Variants in EIF2AK1 observed in about 807,000 individuals in gnomAD.
EIF2AK1 encodes the protein eukaryotic translation initiation factor 2 alpha kinase 1, also known as eukaryotic translation initiation factor 2-alpha kinase 1.
EIF2AK1 carries 54 observed loss-of-function variants against 77.9 expected under a neutral mutation model. The observed-to-expected ratio is 0.69, with a 90% confidence interval of 0.56 to 0.87. The LOEUF is 0.87. Among genes scored for constraint, EIF2AK1 ranks in the 40% least tolerant of loss-of-function variants. EIF2AK1 has a pLI of 0.00. For missense variants in EIF2AK1, 810 were observed against 768.6 expected, an observed-to-expected ratio of 1.05 and a Z score of -0.64; for synonymous variants, 314 against 290.5, an observed-to-expected ratio of 1.08 and a Z score of -0.82.
Position 6,032,769 on chromosome 7 carries a change from G to C in EIF2AK1, c.1333-3737C>G, listed in dbSNP as rs748181404. 15 of 1,301,510 alleles carry C rather than the reference G, an allele frequency of 1.2e-5. No individual in the cohort carries two copies. The African/African-American group carries it at 1.8e-4, about 15-fold the overall frequency. The allele number at this position is 1,301,510 out of a possible 1,614,324, so 80.6% of individuals were successfully genotyped here. A position where few individuals can be genotyped will look rare whatever the true frequency, so the allele number is the denominator to read the frequency against. On this transcript the variant is annotated intron_variant, in intron 11 of 14. Coordinates refer to ENST00000199389, the MANE Select transcript of EIF2AK1 (RefSeq NM_014413.4). This position sits in a 1 kb window ranked among gnomAD's most constrained non-coding sequence, Gnocchi z 4.3. Reference sequence around the variant, plus strand: ...AAATAAATGTATTGCCTTTGAAACGGCAAGCTAACACAAACAGTATTTTTA... The same window carrying C: ...AAATAAATGTATTGCCTTTGAAACGCCAAGCTAACACAAACAGTATTTTTA...
rs1157705856 is a variant in EIF2AK1, at chr7:6,023,102, C to T, written c.*1571G>A. On this transcript the variant is annotated 3_prime_UTR_variant, in exon 15 of 15. Coordinates refer to ENST00000199389, the MANE Select transcript of EIF2AK1 (RefSeq NM_014413.4). ...AATACCAGGAATGACTCTTTGGTTA[C>T]TTTTTTAACATAGTTTGCACTTAAA... 1.6e-6 allele frequency: 1 copy of T among 610,566 alleles called. No homozygotes were observed. The highest frequency in any genetic ancestry group is 2.7e-6 in the Non-Finnish European group (1 of 372,410). 37.8% of individuals were successfully genotyped at this position (610,566 alleles called of 1,614,324 possible). A position where few individuals can be genotyped will look rare whatever the true frequency, so the allele number is the denominator to read the frequency against.
At chr7:6,040,822 G>A (rs948784860) in intron 9 of EIF2AK1, 70 bp downstream of exon 9, 14 of 1,283,348 alleles carry the variant, frequency 1.1e-5, no homozygotes, top group Middle Eastern at 2.5e-4. Flanking sequence ...GAGAGAGGGC[G>A]AGAGAAGGCC....
At chr7:6,048,020 C>G (rs1374803464) in intron 4 of EIF2AK1, 2 of 152,328 alleles carry the variant, frequency 1.3e-5, no homozygotes, top group East Asian at 1.9e-4. Context: ...CCACCATAAG[C>G]AGCTTCTTAA....
chr7:6,023,955 G>A lies in EIF2AK1; in HGVS notation c.*718C>T. 7.1e-7 allele frequency: 1 copy of A among 1,409,474 alleles called. No individual in the cohort carries two copies. Among genetic ancestry groups the A allele is most frequent in the African/African-American group, 1.4e-5 (1 of 70,300 alleles). The allele number at this position is 1,409,474 out of a possible 1,614,324, so 87.3% of individuals were successfully genotyped here. A position where few individuals can be genotyped will look rare whatever the true frequency, so the allele number is the denominator to read the frequency against. On this transcript the variant is annotated 3_prime_UTR_variant, in exon 15 of 15. Transcript: ENST00000199389. ...AATTCATCAGATCGCTGCCTCTGAG[G>A]GATGTACAGATTGGCTGGGGAGCTG...
intron 2 of EIF2AK1, among the ~76,000 whole-genome samples, chr7:6,051,783 T>TA (rs756020377): frequency 4.7e-4 from 70 of 150,150 alleles, no homozygotes; most frequent in African/African-American, 1.2e-3. Flanking sequence ...CATTTGTTGC[T>TA]AAAAAAAAAG....
chr7:6,038,659 G>A lies in EIF2AK1; in HGVS notation c.1132C>T (p.Leu378=), dbSNP rs773126175. 87 of 1,611,824 alleles carry A rather than the reference G, an allele frequency of 5.4e-5. No homozygotes were observed. The highest frequency in any genetic ancestry group is 5.2e-5 in the Non-Finnish European group (61 of 1,178,968). The change falls in exon 10 of 15, where the codon CTG becomes TTG. Residue 378 remains leucine (L), a synonymous_variant. Transcript: ENST00000199389. ...AGCTGCATCTGGATGTGCAGCATCA[G>A]GTGGTACTGTGCCTAGGAGAGGACA... ...FLGQTEAQYH[L]MLHIQMQLCE...
chr7:6,040,939 T>C lies in EIF2AK1; in HGVS notation c.1072A>G (p.Thr358Ala). 6.2e-7 allele frequency: 1 copy of C among 1,614,132 alleles called. No individual in the cohort carries two copies. The highest frequency in any genetic ancestry group is 8.5e-7 in the Non-Finnish European group (1 of 1,180,032). The change falls in exon 9 of 15, where the codon ACC (threonine) becomes GCC (alanine). Residue 358 changes from threonine to alanine, a missense_variant. Coordinates refer to ENST00000199389, the MANE Select transcript of EIF2AK1 (RefSeq NM_014413.4). Reference protein sequence around the residue: ...NSHLEESFTSTEESSEENVNF... With the variant: ...NSHLEESFTSAEESSEENVNF... The stretch of plus-strand genomic sequence containing the variant: ...ACATTTTCTTCGGAAGATTCTTCGG[T>C]GGATGTGAAACTCTCCTCTAGGTGG...
At position 6,052,485 on chromosome 7, in the gene EIF2AK1, G is replaced by A. The variant is rs577446346; in HGVS notation, c.277+2061C>T. Reference sequence around the variant, plus strand: ...TACAGATATTTGTACCATTTTTCATGTCCCATCAAGTTTATCAAAATGATA... The same window carrying A: ...TACAGATATTTGTACCATTTTTCATATCCCATCAAGTTTATCAAAATGATA... On this transcript the variant is annotated intron_variant, in intron 2 of 14. Coordinates refer to ENST00000199389, the MANE Select transcript of EIF2AK1 (RefSeq NM_014413.4). Among the ~76,000 whole-genome samples, 21 of 146,098 alleles carry A rather than the reference G, an allele frequency of 1.4e-4. No homozygotes were observed. In the South Asian group the frequency reaches 3.9e-3, roughly 27 times the overall value.
At position 6,024,355 on chromosome 7, in the gene EIF2AK1, A is replaced by G; in HGVS notation, c.*318T>C. 8.3e-7 allele frequency: 1 copy of G among 1,206,880 alleles called. No individual in the cohort carries two copies. Among genetic ancestry groups the G allele is most frequent in the South Asian group, 1.6e-5 (1 of 61,046 alleles). 74.8% of individuals were successfully genotyped at this position (1,206,880 alleles called of 1,614,324 possible). On this transcript the variant is annotated 3_prime_UTR_variant, in exon 15 of 15. Transcript: ENST00000199389. Reference sequence around the variant, plus strand: ...GGCTTGGGCAGTGACGAGGGCAGGGAGCACACATCAATTTCTGCGGTACCT... The same window carrying G: ...GGCTTGGGCAGTGACGAGGGCAGGGGGCACACATCAATTTCTGCGGTACCT...
In EIF2AK1 at chr7:6,024,233, C is replaced by T. The variant is rs1016357791; in HGVS notation, c.*440G>A. On this transcript the variant is annotated 3_prime_UTR_variant, in exon 15 of 15. Transcript: ENST00000199389. ...GGAGCCAAGGAATGAAATGATGAGG[C>T]GTCCTTCAGGTAATGAACTTCAGCT... 3.2e-5 allele frequency: 39 copies of T among 1,220,556 alleles called. No individual in the cohort carries two copies. The highest frequency in any genetic ancestry group is 3.0e-4 in the Middle Eastern group (1 of 3,356). 75.6% of individuals were successfully genotyped at this position (1,220,556 alleles called of 1,614,324 possible). A position where few individuals can be genotyped will look rare whatever the true frequency, so the allele number is the denominator to read the frequency against.
chr7:6,039,621 CAAAAAAAAAA>C (rs767158374), intron 9 of EIF2AK1, among the ~76,000 whole-genome samples: 2 of 49,016 alleles, frequency 4.1e-5, no homozygotes, highest in Admixed American at 2.8e-4. Context: ...ACTCCATCTC[CAAAAAAAAAA>C]AAAAAAAAAA....
rs774519074 is a variant in EIF2AK1 at position 6,049,860 on chromosome 7, T to TA, written c.411+51dup. 280 of 1,506,520 alleles carry TA rather than the reference T, an allele frequency of 1.9e-4. 1 individual carries two copies. Among genetic ancestry groups the TA allele is most frequent in the Non-Finnish European group, 2.3e-4 (257 of 1,108,860 alleles). The allele number at this position is 1,506,520 out of a possible 1,614,324, so 93.3% of individuals were successfully genotyped here. On this transcript the variant is annotated intron_variant, in intron 3 of 14. Transcript: ENST00000199389. ...ACAGTGCTTTAAAATATAATTATCT[T>TA]AAAATTAAAGTATATTTTTGTCATA...
chr7:6,040,034 A>G (rs1205139434), intron 9 of EIF2AK1, among the ~76,000 whole-genome samples: 1 of 152,178 alleles, frequency 6.6e-6, no homozygotes, highest in Admixed American at 6.5e-5. Flanking sequence ...TATAATCTTA[A>G]CAAGACAGAT....
At chr7:6,042,115 C>T (rs1387997088) in intron 8 of EIF2AK1, among the ~76,000 whole-genome samples, 1 of 152,102 alleles carries the variant, frequency 6.6e-6, no homozygotes, top group East Asian at 1.9e-4. Context: ...TACCACTGCA[C>T]TCCAGCCTGG....
chr7:6,036,515 T>C lies in EIF2AK1; in HGVS notation c.1332+909A>G, dbSNP rs1244486130. The C allele has an allele frequency of 3.6e-6, 2 of 561,430 alleles. No individual in the cohort carries two copies. Among genetic ancestry groups the C allele is most frequent in the Non-Finnish European group, 5.6e-6 (2 of 355,960 alleles). 34.8% of individuals were successfully genotyped at this position (561,430 alleles called of 1,614,324 possible). A position where few individuals can be genotyped will look rare whatever the true frequency, so the allele number is the denominator to read the frequency against. ...CCCAAATGTACAAACTACTGATTCTTGAACATGTTCCAAAATACAAAGTGA... is the reference window on the plus strand; with the variant it reads ...CCCAAATGTACAAACTACTGATTCTCGAACATGTTCCAAAATACAAAGTGA... On this transcript the variant is annotated intron_variant, in intron 11 of 14. Transcript: ENST00000199389. This position sits in a 1 kb window ranked among gnomAD's most constrained non-coding sequence, Gnocchi z 4.6.
Position 6,023,431 on chromosome 7 carries a change from A to G in EIF2AK1, c.*1242T>C, listed in dbSNP as rs374243514. The G allele has an allele frequency of 4.3e-6, 7 of 1,614,100 alleles. No individual in the cohort carries two copies. The African/African-American group carries it at 6.7e-5, about 15-fold the overall frequency. ...TGCTGTCAACGCAACCCTTATAGAT[A>G]GCTGGGTAGATATTGCGATTTTTCA... On this transcript the variant is annotated 3_prime_UTR_variant, in exon 15 of 15. Transcript: ENST00000199389.
At chr7:6,053,203 T>A (rs1788656018) in intron 2 of EIF2AK1, among the ~76,000 whole-genome samples, 1 of 152,092 alleles carries the variant, frequency 6.6e-6, no homozygotes. Context: ...TATTTTTAAT[T>A]TTTGTGAGTA....
At chr7:6,050,849 C>A (rs944187506) in intron 2 of EIF2AK1, among the ~76,000 whole-genome samples, 1 of 151,972 alleles carries the variant, frequency 6.6e-6, no homozygotes, top group African/African-American at 2.4e-5. Flanking sequence ...GTGATCCACC[C>A]ACCTTGGCCT....
chr7:6,047,068 GCTTCCAAGGCTA>G lies in EIF2AK1; in HGVS notation c.461_472del (p.Val154_Glu157del). ...TTCATTTAAGTAACGTGAAGTTTGT[GCTTCCAAGGCTA>G]CTTCCCTTGATCTGAAAGTTAAATA... On this transcript the variant is annotated inframe_deletion, in exon 5 of 15. Coordinates refer to ENST00000199389, the MANE Select transcript of EIF2AK1 (RefSeq NM_014413.4). 1.9e-6 allele frequency: 3 copies of G among 1,613,228 alleles called. No homozygotes were observed. The highest frequency in any genetic ancestry group is 2.5e-6 in the Non-Finnish European group (3 of 1,179,782).
Sources: gnomAD v4.1 joint callset for allele counts (sites outside exome capture counted in the v4.1 genomes callset) on GRCh38, gnomAD v4.1.1 for gene constraint, Gnocchi (gnomAD v3.1) non-coding constraint, MANE v1.5 for transcripts, NCBI Gene and HGNC (gene_info 2026-07-23, HGNC 2026-07-21) for gene names.